LAMA2: variants seen among roughly 807,000 people sequenced by gnomAD.
LAMA2 encodes laminin subunit alpha-2.
In LAMA2, 269 loss-of-function variants were observed where a neutral mutation model predicts 364.8. That is an observed-to-expected ratio of 0.74 (90% confidence interval 0.67 to 0.82). The LOEUF (loss-of-function observed/expected upper bound fraction) is 0.82, where lower values mean the gene tolerates loss of function less well. Ranked by LOEUF, LAMA2 falls within the 40% of genes least tolerant of loss-of-function variation. The pLI, the probability that LAMA2 is intolerant of heterozygous loss-of-function variation, is 0.00. For synonymous variants in LAMA2, 1,379 were observed against 1,370.6 expected, an observed-to-expected ratio of 1.01 and a Z score of -0.14; for missense variants, 3,807 against 3,873.2, an observed-to-expected ratio of 0.98 and a Z score of 0.45.
intron 12 of LAMA2, among the ~76,000 whole-genome samples, chr6:129,229,369 G>A (rs1007727749): frequency 1.3e-5 from 2 of 152,132 alleles, no homozygotes; most frequent in Non-Finnish European, 2.9e-5. Flanking sequence ...AAGTGAAAAG[G>A]CCCTAAGATA....
At chr6:129,375,446 T>G (rs978552741) in intron 34 of LAMA2, among the ~76,000 whole-genome samples, 7 of 152,232 alleles carry the variant, frequency 4.6e-5, no homozygotes, top group Non-Finnish European at 1.5e-5. Context: ...GCCTGGATTT[T>G]CACTCCCAGC....
At chr6:128,931,405 T>C (rs1779469071) in intron 1 of LAMA2, among the ~76,000 whole-genome samples, 1 of 152,218 alleles carries the variant, frequency 6.6e-6, no homozygotes, top group Non-Finnish European at 1.5e-5. Context: ...TATCTTAATG[T>C]TGAATATCTG....
At chr6:128,997,353 A>AG (rs1554344860) in intron 1 of LAMA2, among the ~76,000 whole-genome samples, 1 of 22,268 alleles carries the variant, frequency 4.5e-5, no homozygotes, top group African/African-American at 1.3e-4. Context: ...AAAGAAAGAA[A>AG]GAACGAAAGA....
At chr6:129,242,319 T>G (rs1008122897) in intron 12 of LAMA2, among the ~76,000 whole-genome samples, 1 of 152,198 alleles carries the variant, frequency 6.6e-6, no homozygotes, top group Non-Finnish European at 1.5e-5. Context: ...ATTGCTGATA[T>G]CTCTTTGTTA....
chr6:129,074,983 G>A (rs1363948112), intron 3 of LAMA2, among the ~76,000 whole-genome samples: 1 of 152,078 alleles, frequency 6.6e-6, no homozygotes, highest in African/African-American at 2.4e-5. Context: ...TTTAAGCAGT[G>A]TTCTAAGCCT....
intron 1 of LAMA2, among the ~76,000 whole-genome samples, chr6:128,885,622 A>T (rs983198827): frequency 6.6e-6 from 1 of 152,156 alleles, no homozygotes; most frequent in African/African-American, 2.4e-5. Context: ...TCTGTTTTCG[A>T]TTATACTAGC....
intron 61 of LAMA2, among the ~76,000 whole-genome samples, chr6:129,506,331 C>T (rs1786071419): frequency 6.6e-6 from 1 of 151,450 alleles, no homozygotes; most frequent in Admixed American, 6.6e-5. Context: ...CCAGCCTGGG[C>T]AACAGAGCGA....
At chr6:129,090,680 C>T (rs1319710007) in intron 3 of LAMA2, among the ~76,000 whole-genome samples, 1 of 152,130 alleles carries the variant, frequency 6.6e-6, no homozygotes, top group Non-Finnish European at 1.5e-5. Context: ...TACTATATTT[C>T]CTGAAAACTG....
chr6:129,183,175 T>A (rs1369256437), intron 10 of LAMA2, among the ~76,000 whole-genome samples: 1 of 151,988 alleles, frequency 6.6e-6, no homozygotes, highest in African/African-American at 2.4e-5. Flanking sequence ...CAAGTCAATC[T>A]CAGATATATG....
chr6:129,407,339 CAATAAT>C (rs1780298765), intron 40 of LAMA2, among the ~76,000 whole-genome samples: 1 of 152,158 alleles, frequency 6.6e-6, no homozygotes, highest in Non-Finnish European at 1.5e-5. Context: ...CAAATAAAGA[CAATAAT>C]AACATCATAA....
chr6:129,125,162 G>A (rs776040986), intron 4 of LAMA2, among the ~76,000 whole-genome samples: 4 of 152,214 alleles, frequency 2.6e-5, no homozygotes, highest in Non-Finnish European at 4.4e-5. Context: ...TTTGGCATGA[G>A]CAAAGGGAAG....
chr6:129,093,008 G>T lies in LAMA2; in HGVS notation c.397-5165G>T, dbSNP rs573115078. 5.9e-5 allele frequency among the ~76,000 whole-genome samples: 9 copies of T among 152,170 alleles called. No individual in the cohort carries two copies. In the South Asian group the frequency reaches 1.7e-3, roughly 28 times the overall value. ...ATTTGTGATTCTTCTGGGGACAAAG[G>T]ATCTGGGATACAATGGGTTCCCGAG... On this transcript the variant is annotated intron_variant, in intron 3 of 64. Transcript: ENST00000421865.
chr6:129,138,825 G>A (rs974686923), intron 4 of LAMA2, among the ~76,000 whole-genome samples: 1 of 152,078 alleles, frequency 6.6e-6, no homozygotes, highest in South Asian at 2.1e-4. Flanking sequence ...ATTACTAAAT[G>A]AGTATGTGAG....
intron 1 of LAMA2, among the ~76,000 whole-genome samples, chr6:128,920,357 C>T (rs980174311): frequency 1.3e-5 from 2 of 151,922 alleles, no homozygotes; most frequent in Non-Finnish European, 2.9e-5. Flanking sequence ...AGGATTTCAC[C>T]ATGTTGGCCA....
intron 54 of LAMA2, chr6:129,479,994 T>C (rs1784271804): frequency 6.6e-6 from 1 of 152,196 alleles, no homozygotes; most frequent in Non-Finnish European, 1.5e-5. Context: ...AAAAGATATA[T>C]ACATGAGGAT....
chr6:128,956,180 G>A (rs904913021), intron 1 of LAMA2, among the ~76,000 whole-genome samples: 14 of 151,786 alleles, frequency 9.2e-5, no homozygotes, highest in Admixed American at 5.3e-4. Context: ...TTACTCAAGG[G>A]CATTTTAAAA....
chr6:129,371,607 CTTTT>C (rs376262275), intron 34 of LAMA2, among the ~76,000 whole-genome samples: 1 of 132,560 alleles, frequency 7.5e-6, no homozygotes. Context: ...AAAAGTATTT[CTTTT>C]TTTTTTTTTT....
chr6:129,438,380 T>C (rs1456476621), intron 41 of LAMA2, among the ~76,000 whole-genome samples: 3 of 151,952 alleles, frequency 2.0e-5, no homozygotes, highest in Non-Finnish European at 2.9e-5. Flanking sequence ...TATAGGAAGA[T>C]ATCAAATTAA....
chr6:129,206,102 GAGGGAGGA>G lies in LAMA2; in HGVS notation c.1782+13253_1782+13260del, dbSNP rs1341633702. 9.9e-3 allele frequency among the ~76,000 whole-genome samples: 1,010 copies of G among 101,626 alleles called. 18 individuals carry two copies. The highest frequency in any genetic ancestry group is 0.037 in the African/African-American group (721 of 19,694). 66.7% of individuals were successfully genotyped at this position (101,626 alleles called of 152,430 possible). A position where few individuals can be genotyped will look rare whatever the true frequency, so the allele number is the denominator to read the frequency against. ...GAAAGGAGGAAGGAAGGGAGGGAGG[GAGGGAGGA>G]AGGAAGGAAGGAAGGAAGGAAGGAA... is the stretch of plus-strand genomic sequence containing the variant. On this transcript the variant is annotated intron_variant, in intron 12 of 64. Transcript: ENST00000421865.
Sources: allele counts gnomAD v4.1 joint callset (sites outside exome capture counted in the v4.1 genomes callset), GRCh38; gene constraint gnomAD v4.1.1; transcripts MANE v1.5; gene names NCBI Gene and HGNC (gene_info 2026-07-23, HGNC 2026-07-21).